The following VSIG1 variants were observed in gnomAD, a reference collection of about 807,000 sequenced individuals.
The protein encoded by VSIG1 is V-set and immunoglobulin domain containing 1.
VSIG1 carries 11 observed loss-of-function variants against 20.1 expected under a neutral mutation model. That is an observed-to-expected ratio of 0.55 (90% CI 0.34 to 0.91). The LOEUF (loss-of-function observed/expected upper bound fraction) is 0.91, where lower values mean the gene tolerates loss of function less well. Among genes scored for constraint, VSIG1 ranks in the 40% least tolerant of loss-of-function variants. The probability of loss-of-function intolerance (pLI) is 0.02; values close to 1 mark genes in which losing one functional copy is unlikely to be tolerated. For missense variants in VSIG1, 283 were observed against 298.8 expected (o/e 0.95, Z 0.39); for synonymous variants, 126 against 116.7 (o/e 1.08, Z -0.52).
the VSIG1 span, among the ~76,000 whole-genome samples, chrX:108,020,490 T>A: frequency 2.7e-5 from 3 of 111,783 alleles, no homozygotes; most frequent in Non-Finnish European, 5.6e-5. Context: ...CATCATCTAA[T>A]TAGGGTGTGA....
rs1300175207 is a variant in VSIG1, at chrX:108,047,883, T to C, written c.49+2704T>C. Reference sequence around the variant, plus strand: ...ACATATATATATACACATATATATATATACACACATATATATATATACACA... The same window carrying C: ...ACATATATATATACACATATATATACATACACACATATATATATATACACA... On this transcript the variant is annotated intron_variant, in intron 1 of 6. Coordinates refer to ENST00000217957, the MANE Select transcript of VSIG1 (RefSeq NM_182607.5). 2.5e-4 allele frequency among the ~76,000 whole-genome samples: 13 copies of C among 51,661 alleles called. 2 individuals carry two copies. The highest frequency in any genetic ancestry group is 1.6e-3 in the African/African-American group (13 of 7,999). The allele number at this position is 51,661 out of a possible 115,157, so 44.9% of individuals were successfully genotyped here.
At chrX:108,061,561 T>C (rs1444766179) in intron 2 of VSIG1, 2 of 1,116,421 alleles carry the variant, frequency 1.8e-6, no homozygotes, top group Admixed American at 2.6e-5. Context: ...GGTGTACTAC[T>C]GGACTTCTTC....
At chrX:108,033,715 A>G in the VSIG1 span, among the ~76,000 whole-genome samples, 1 of 110,583 alleles carries the variant, frequency 9.0e-6, no homozygotes, top group Non-Finnish European at 1.9e-5. Flanking sequence ...AGGGGGAATG[A>G]TACGAGCTGA....
chrX:108,077,137 T>C lies in VSIG1; in HGVS notation c.920T>C (p.Ile307Thr). The change falls in exon 7 of 7, where the codon ATT becomes ACT. Residue 307 changes from isoleucine to threonine, a missense_variant. Ile to Thr is a moderately conservative substitution (Grantham distance 89). Transcript: ENST00000217957. Reference sequence around the variant, plus strand: ...CTAGAAGTAACTCTACCATCTTCCATTCATGAGACTGGCCCTGATACCATC... The same window carrying C: ...CTAGAAGTAACTCTACCATCTTCCACTCATGAGACTGGCCCTGATACCATC... ...TQLEVTLPSS[I>T]HETGPDTIQE... The C allele has an allele frequency of 8.3e-7, 1 of 1,211,972 alleles. No homozygotes were observed. Among genetic ancestry groups the C allele is most frequent in the Non-Finnish European group, 1.1e-6 (1 of 895,558 alleles).
At chrX:108,075,774 C>T (rs1206563247) in intron 5 of VSIG1, among the ~76,000 whole-genome samples, 2 of 111,559 alleles carry the variant, frequency 1.8e-5, no homozygotes, top group African/African-American at 6.5e-5. Flanking sequence ...GTAACAGAGG[C>T]TTATCTCTAG....
At chrX:108,066,652 A>T (rs964953279) in intron 2 of VSIG1, among the ~76,000 whole-genome samples, 1 of 111,733 alleles carries the variant, frequency 8.9e-6, no homozygotes, top group East Asian at 2.8e-4. Flanking sequence ...GCCCAAGCTT[A>T]GGTGTTGAAT....
At chrX:108,035,266 T>C in the VSIG1 span, among the ~76,000 whole-genome samples, 10 of 110,995 alleles carry the variant, frequency 9.0e-5, no homozygotes, top group Admixed American at 9.6e-4. Context: ...AACCAGCTAA[T>C]TTTTTTGTAT....
chrX:108,077,644 A>T lies in VSIG1; in HGVS notation c.*263A>T, dbSNP rs1456610195. 27 of 344,063 alleles carry T rather than the reference A, an allele frequency of 7.8e-5. No homozygotes were observed. Among genetic ancestry groups the T allele is most frequent in the Non-Finnish European group, 1.2e-4 (24 of 200,833 alleles). The allele number at this position is 344,063 out of a possible 1,213,427, so 28.4% of individuals were successfully genotyped here. On this transcript the variant is annotated 3_prime_UTR_variant, in exon 7 of 7. Transcript: ENST00000217957. ...TGACAGGGCAAGTGATTTCTAACTT[A>T]GTTGAGTTTTGCAACAGTACCTGTG...
At chrX:108,024,260 C>A in the VSIG1 span, among the ~76,000 whole-genome samples, 1 of 110,982 alleles carries the variant, frequency 9.0e-6, no homozygotes, top group Non-Finnish European at 1.9e-5. Context: ...TCTGATAATT[C>A]ATTTTTAAAA....
intron 1 of VSIG1, among the ~76,000 whole-genome samples, chrX:108,047,459 G>A (rs745744422): frequency 3.6e-5 from 4 of 110,516 alleles, no homozygotes; most frequent in Admixed American, 1.9e-4. Context: ...ATGTTAATGT[G>A]GGTTTCATTT....
intron 1 of VSIG1, among the ~76,000 whole-genome samples, chrX:108,053,143 A>G (rs1193102946): frequency 1.8e-5 from 2 of 112,381 alleles, no homozygotes; most frequent in African/African-American, 3.2e-5. Flanking sequence ...CTGTTAAAAA[A>G]TAGCTAAAGG....
intron 1 of VSIG1, among the ~76,000 whole-genome samples, chrX:108,047,903 T>TATATATATAC (rs1555980337): frequency 5.2e-4 from 9 of 17,388 alleles, no homozygotes; most frequent in Non-Finnish European, 6.5e-4. Context: ...TATATATATA[T>TATATATATAC]ACACATATAT....
At chrX:108,063,147 T>C (rs1326931715) in intron 2 of VSIG1, among the ~76,000 whole-genome samples, 4 of 111,910 alleles carry the variant, frequency 3.6e-5, no homozygotes, top group African/African-American at 1.3e-4. Flanking sequence ...GAGGGCATCA[T>C]GTGGTGAACA....
rs2030852961 is a variant in VSIG1 at position 108,054,562 on chromosome X, G to A, written c.50-3476G>A. On this transcript the variant is annotated intron_variant, in intron 1 of 6. Transcript: ENST00000217957. ...CAGAACATTCACCAAGATAGATAAT[G>A]TGCTTGGCCGTAAAACAAACCTAAA... Among the ~76,000 whole-genome samples the A allele has an allele frequency of 2.7e-5, 3 of 110,951 alleles. No individual in the cohort carries two copies. The Admixed American group carries it at 2.9e-4, about 11-fold the overall frequency.
the VSIG1 span, among the ~76,000 whole-genome samples, chrX:108,037,533 C>T: frequency 1.1e-3 from 127 of 111,962 alleles, no homozygotes; most frequent in African/African-American, 4.0e-3. Flanking sequence ...CACTTGATTA[C>T]CACCTTATTA....
chrX:108,054,189 A>G (rs1265298579), intron 1 of VSIG1, among the ~76,000 whole-genome samples: 2 of 112,138 alleles, frequency 1.8e-5, no homozygotes, highest in African/African-American at 6.5e-5. Flanking sequence ...ACATTACCTA[A>G]TGATAAATGG....
At chrX:108,070,886 C>T (rs192789218) in intron 3 of VSIG1, among the ~76,000 whole-genome samples, 11 of 112,138 alleles carry the variant, frequency 9.8e-5, no homozygotes, top group Non-Finnish European at 2.1e-4. Flanking sequence ...CACCTGTGTA[C>T]AGATAGTGAG....
chrX:108,021,614 A>G, the VSIG1 span, among the ~76,000 whole-genome samples: 1 of 112,498 alleles, frequency 8.9e-6, no homozygotes, highest in East Asian at 2.8e-4. Flanking sequence ...TGTCATATTT[A>G]GGAAAACATT....
chrX:108,047,937 CATATATATATATATATACACACACATAT>C lies in VSIG1; in HGVS notation c.49+2776_49+2803del, dbSNP rs1569287334. On this transcript the variant is annotated intron_variant, in intron 1 of 6. Transcript: ENST00000217957. ...ATATATACACATATATATATATACA[CATATATATATATATATACACACACATAT>C]ATATATATATATATATATATATATA... 5.9e-3 allele frequency among the ~76,000 whole-genome samples: 199 copies of C among 33,581 alleles called. 20 individuals carry two copies. The highest frequency in any genetic ancestry group is 0.023 in the African/African-American group (128 of 5,613). 29.2% of individuals were successfully genotyped at this position (33,581 alleles called of 115,157 possible). A position where few individuals can be genotyped will look rare whatever the true frequency, so the allele number is the denominator to read the frequency against.
Sources: gnomAD v4.1 joint callset for allele counts (sites outside exome capture counted in the v4.1 genomes callset) on GRCh38, gnomAD v4.1.1 for gene constraint, MANE v1.5 for transcripts, NCBI Gene and HGNC (gene_info 2026-07-23, HGNC 2026-07-21) for gene names.